Variants in EDIL3 observed in about 807,000 individuals in gnomAD.
EDIL3 encodes EGF like and discoidin domains 3.
EDIL3 carries 37 observed loss-of-function variants against 67.4 expected under a neutral mutation model. The observed-to-expected ratio is 0.55, with a 90% CI of 0.42 to 0.72. The LOEUF (loss-of-function observed/expected upper bound fraction) is 0.72, where lower values mean the gene tolerates loss of function less well. Among genes scored for constraint, EDIL3 ranks in the 30% least tolerant of loss-of-function variants. The pLI, the probability that EDIL3 is intolerant of heterozygous loss-of-function variation, is 0.00. For synonymous variants in EDIL3, 195 were observed against 196.3 expected, an observed-to-expected ratio of 0.99 and a Z score of 0.05; for missense variants, 527 against 586.3, an observed-to-expected ratio of 0.90 and a Z score of 1.04.
intron 1 of EDIL3, among the ~76,000 whole-genome samples, chr5:84,301,252 G>A (rs1746155169): frequency 7.1e-6 from 1 of 140,384 alleles, no homozygotes; most frequent in African/African-American, 2.6e-5. Flanking sequence ...TGGGCAACAA[G>A]AGCGAAATTC....
At chr5:84,291,668 A>C (rs139900014) in intron 1 of EDIL3, among the ~76,000 whole-genome samples, 79 of 147,544 alleles carry the variant, frequency 5.4e-4, no homozygotes, top group Middle Eastern at 3.6e-3. Flanking sequence ...ATCTATATAT[A>C]TATCTATCTA....
At chr5:83,946,489 T>G (rs1387021608) in intron 10 of EDIL3, among the ~76,000 whole-genome samples, 1 of 151,920 alleles carries the variant, frequency 6.6e-6, no homozygotes, top group Non-Finnish European at 1.5e-5. Context: ...TATCTTGATT[T>G]TCTTTTTCCT....
chr5:84,008,463 TG>T (rs1276158955), intron 9 of EDIL3, among the ~76,000 whole-genome samples: 1 of 151,648 alleles, frequency 6.6e-6, no homozygotes, highest in Non-Finnish European at 1.5e-5. Context: ...GGAAACAGAG[TG>T]GATTACATCA....
chr5:84,366,602 C>T lies in EDIL3; in HGVS notation c.67+17706G>A, dbSNP rs113521439. On this transcript the variant is annotated intron_variant, in intron 1 of 10. Coordinates refer to ENST00000296591, the MANE Select transcript of EDIL3 (RefSeq NM_005711.5). The stretch of plus-strand genomic sequence containing the variant: ...ATTTTAATGGTACATATAATATGTG[C>T]TAATAAATTAGAAAATATTGTTAAA... 2.4e-3 allele frequency among the ~76,000 whole-genome samples: 365 copies of T among 152,080 alleles called. 1 individual carries two copies. The highest frequency in any genetic ancestry group is 8.6e-3 in the African/African-American group (356 of 41,480).
At chr5:84,044,257 A>G (rs1746182118) in intron 9 of EDIL3, among the ~76,000 whole-genome samples, 1 of 152,198 alleles carries the variant, frequency 6.6e-6, no homozygotes, top group Admixed American at 6.5e-5. Context: ...AAAATCATCA[A>G]CTAAAAAGAG....
chr5:84,104,820 T>C (rs762232327), intron 6 of EDIL3, among the ~76,000 whole-genome samples: 9 of 152,042 alleles, frequency 5.9e-5, no homozygotes, highest in Non-Finnish European at 1.2e-4. Context: ...TAGTGTTAAG[T>C]AGGCAATACT....
intron 3 of EDIL3, among the ~76,000 whole-genome samples, chr5:84,219,727 G>A (rs1032744072): frequency 8.5e-5 from 13 of 152,260 alleles, no homozygotes; most frequent in African/African-American, 3.1e-4. Context: ...TTCATCTACA[G>A]ATGAATGGAT....
At chr5:84,116,913 G>A (rs1747675041) in intron 5 of EDIL3, among the ~76,000 whole-genome samples, 1 of 151,330 alleles carries the variant, frequency 6.6e-6, no homozygotes, top group Non-Finnish European at 1.5e-5. Context: ...TAATGAATAT[G>A]GATCAGCCTA....
Position 83,963,655 on chromosome 5 carries a change from GTT to G in EDIL3, c.1138-297_1138-296del, listed in dbSNP as rs10708401. Among the ~76,000 whole-genome samples, 536 of 133,082 alleles carry G rather than the reference GTT, an allele frequency of 4.0e-3. 3 individuals are homozygous for G. The highest frequency in any genetic ancestry group is 0.019 in the South Asian group (82 of 4,288). 87.3% of individuals were successfully genotyped at this position (133,082 alleles called of 152,430 possible). A position where few individuals can be genotyped will look rare whatever the true frequency, so the allele number is the denominator to read the frequency against. On this transcript the variant is annotated intron_variant, in intron 9 of 10. Transcript: ENST00000296591. ...TAGGTGGATTCATCTATTTGTGCAG[GTT>G]TTTTTTTTTTTTTTTGTAACTGAGA...
At chr5:84,160,791 TTTCCTTTCCTTTCC>T in intron 4 of EDIL3, among the ~76,000 whole-genome samples, 1 of 121,502 alleles carries the variant, frequency 8.2e-6, no homozygotes, top group African/African-American at 3.1e-5. Flanking sequence ...TTTCCTTTCC[TTTCCTTTCCTTTCC>T]TTTCCTTTCC....
At chr5:83,956,276 A>G (rs902195743) in intron 10 of EDIL3, among the ~76,000 whole-genome samples, 1 of 151,720 alleles carries the variant, frequency 6.6e-6, no homozygotes, top group Non-Finnish European at 1.5e-5. Flanking sequence ...TCTAGGTAGG[A>G]CACTTGCAGC....
At chr5:83,994,922 T>C (rs1345086267) in intron 9 of EDIL3, among the ~76,000 whole-genome samples, 1 of 152,014 alleles carries the variant, frequency 6.6e-6, no homozygotes, top group Admixed American at 6.6e-5. Context: ...TATATTTCAA[T>C]AGACAAACAG....
intron 1 of EDIL3, among the ~76,000 whole-genome samples, chr5:84,364,405 T>C (rs377616271): frequency 6.6e-5 from 10 of 152,190 alleles, no homozygotes; most frequent in South Asian, 2.1e-4. Flanking sequence ...GTTACACAGA[T>C]ACATGCTACA....
chr5:83,992,394 T>C (rs1745167395), intron 9 of EDIL3, among the ~76,000 whole-genome samples: 1 of 152,202 alleles, frequency 6.6e-6, no homozygotes, highest in Non-Finnish European at 1.5e-5. Flanking sequence ...TGGATCTTTG[T>C]AACTAAAACT....
intron 9 of EDIL3, among the ~76,000 whole-genome samples, chr5:84,023,096 G>A (rs1221898081): frequency 6.6e-6 from 1 of 151,962 alleles, no homozygotes; most frequent in African/African-American, 2.4e-5. Flanking sequence ...CTAAAGAAGT[G>A]TCTGACACAA....
At chr5:84,305,210 TA>T (rs1746241522) in intron 1 of EDIL3, among the ~76,000 whole-genome samples, 1 of 152,198 alleles carries the variant, frequency 6.6e-6, no homozygotes, top group Non-Finnish European at 1.5e-5. Context: ...ATAGAACAGG[TA>T]CATTTAAATG....
intron 1 of EDIL3, among the ~76,000 whole-genome samples, chr5:84,375,857 T>C (rs1747955697): frequency 6.6e-6 from 1 of 152,290 alleles, no homozygotes; most frequent in East Asian, 1.9e-4. Context: ...TTTCTGAATG[T>C]GAAAAAAGAA....
intron 1 of EDIL3, among the ~76,000 whole-genome samples, chr5:84,261,633 C>A (rs1327653208): frequency 6.6e-6 from 1 of 152,174 alleles, no homozygotes; most frequent in Admixed American, 6.5e-5. Flanking sequence ...ATTATATCTT[C>A]ATTGATAGAA....
chr5:84,064,243 G>A (rs560501378), intron 8 of EDIL3, among the ~76,000 whole-genome samples: 2 of 150,730 alleles, frequency 1.3e-5, no homozygotes, highest in South Asian at 4.1e-4. Context: ...AAGTTCTTAT[G>A]GTAGACAGAC....
Sources: allele counts gnomAD v4.1 joint callset (sites outside exome capture counted in the v4.1 genomes callset), GRCh38; gene constraint gnomAD v4.1.1; transcripts MANE v1.5; gene names NCBI Gene and HGNC (gene_info 2026-07-23, HGNC 2026-07-21).